PHC2: variants seen among roughly 807,000 people sequenced by gnomAD.
PHC2 encodes the protein polyhomeotic-like protein 2.
PHC2 carries 29 observed loss-of-function variants against 87.4 expected under a neutral mutation model. The observed-to-expected ratio is 0.33, with a 90% CI of 0.25 to 0.45. The LOEUF is 0.45. Ranked by LOEUF, PHC2 falls within the 20% of genes least tolerant of loss-of-function variation. The pLI, the probability that PHC2 is intolerant of heterozygous loss-of-function variation, is 1.00. For missense variants in PHC2, 857 were observed against 1,136.7 expected, an observed-to-expected ratio of 0.75 and a Z score of 3.54; for synonymous variants, 438 against 461.7, an observed-to-expected ratio of 0.95 and a Z score of 0.66.
intron 1 of PHC2, among the ~76,000 whole-genome samples, chr1:33,400,984 G>A (rs1649498063): frequency 6.6e-6 from 1 of 152,054 alleles, no homozygotes; most frequent in South Asian, 2.1e-4. Flanking sequence ...ATTGTCTGAA[G>A]GTTAACAGAC....
intron 9 of PHC2, among the ~76,000 whole-genome samples, chr1:33,351,573 T>G (rs1646973286): frequency 6.6e-6 from 1 of 152,192 alleles, no homozygotes; most frequent in Non-Finnish European, 1.5e-5. Flanking sequence ...AAGTAGACCT[T>G]CAGCTCTTGA....
rs753345714 is a variant in PHC2, at chr1:33,368,656, C to T, written c.577-34G>A. ...ACAAAGGAACAGTGCCGCCTAGGCT[C>T]CTAGCTACCTGCACCAGGTTACCTG... On this transcript the variant is annotated intron_variant, in intron 5 of 14. Coordinates refer to ENST00000683057, the MANE Select transcript of PHC2 (RefSeq NM_001385109.1). This position sits in a 1 kb window ranked among gnomAD's most constrained non-coding sequence, Gnocchi z 6.6. The T allele has an allele frequency of 3.4e-6, 5 of 1,462,358 alleles. No individual in the cohort carries two copies. The South Asian group carries it at 6.1e-5, about 18-fold the overall frequency. The allele number at this position is 1,462,358 out of a possible 1,614,324, so 90.6% of individuals were successfully genotyped here.
chr1:33,346,751 T>C, intron 9 of PHC2: 1 of 985,382 alleles, frequency 1.0e-6, no homozygotes, highest in Non-Finnish European at 1.2e-6. Context: ...ACGCCTGGCC[T>C]GAGGTCCACA....
intron 9 of PHC2, among the ~76,000 whole-genome samples, chr1:33,337,369 GTCTT>G (rs1446944346): frequency 1.4e-4 from 21 of 152,294 alleles, no homozygotes; most frequent in African/African-American, 4.1e-4. Flanking sequence ...CCCAAAATCT[GTCTT>G]TCTATTAATT....
rs1647520037 is a variant in PHC2, at chr1:33,367,292, T to C, written c.800A>G (p.Gln267Arg). The C allele has an allele frequency of 3.1e-6, 5 of 1,614,082 alleles. No homozygotes were observed. The highest frequency in any genetic ancestry group is 2.2e-5 in the East Asian group (1 of 44,872). Residue 267 changes from glutamine to arginine, a missense_variant, in exon 7 of 15, where the codon CAG becomes CGG. Transcript: ENST00000683057. ...GGAAGCCTGAGCAGTATTTCTGCTC[T>C]GTGCTGGGGTAGGCAGAGGCTGGCT... is the stretch of plus-strand genomic sequence containing the variant. ...GGSQPLPTPA[Q>R]SRNTAQASPA...
rs1353486409 is a variant in PHC2, at chr1:33,369,121, G to T, written c.577-499C>A. 2.0e-5 allele frequency among the ~76,000 whole-genome samples: 3 copies of T among 152,128 alleles called. No homozygotes were observed. Among genetic ancestry groups the T allele is most frequent in the Non-Finnish European group, 4.4e-5 (3 of 68,024 alleles). ...GGGATCAAGTTCGATGTATCCTTTT[G>T]GTCATTTTCTAGTCAAAGTTAGATT... On this transcript the variant is annotated intron_variant, in intron 5 of 14. Coordinates refer to ENST00000683057, the MANE Select transcript of PHC2 (RefSeq NM_001385109.1). The surrounding 1 kb of genome is among the most constrained non-coding windows in gnomAD (Gnocchi z 4.7).
At chr1:33,419,686 T>G (rs1247915681) in intron 1 of PHC2, among the ~76,000 whole-genome samples, 2 of 152,214 alleles carry the variant, frequency 1.3e-5, no homozygotes, top group South Asian at 2.1e-4. Context: ...CTCAGCTCAC[T>G]GCAAGCTCCA....
chr1:33,394,528 AT>A (rs1192754089), intron 1 of PHC2, among the ~76,000 whole-genome samples: 1 of 152,080 alleles, frequency 6.6e-6, no homozygotes. Flanking sequence ...TTAACTAAGA[AT>A]TTTTTGGTAG....
rs12733528 is a variant in PHC2 at position 33,369,791 on chromosome 1, G to A, written c.576+630C>T. ...GCTGCATGCTACTGCCACCCAGGGA[G>A]TATGCTGCCATTTTCCCAGGGCATT... On this transcript the variant is annotated intron_variant, in intron 5 of 14. Transcript: ENST00000683057. This position sits in a 1 kb window ranked among gnomAD's most constrained non-coding sequence, Gnocchi z 4.7. 0.17 allele frequency among the ~76,000 whole-genome samples: 26,529 copies of A among 152,194 alleles called. 2,834 individuals carry two copies. The highest frequency in any genetic ancestry group is 0.27 in the South Asian group (1,303 of 4,822).
At chr1:33,393,263 G>T (rs1406447305) in intron 1 of PHC2, among the ~76,000 whole-genome samples, 1 of 152,108 alleles carries the variant, frequency 6.6e-6, no homozygotes, top group Non-Finnish European at 1.5e-5. Context: ...GTAGTTGTCT[G>T]GGAGGATGCG....
rs990595708 is a variant in PHC2, at chr1:33,369,738, G to A, written c.576+683C>T. 8.5e-5 allele frequency among the ~76,000 whole-genome samples: 13 copies of A among 152,276 alleles called. No individual in the cohort carries two copies. The highest frequency in any genetic ancestry group is 2.9e-4 in the African/African-American group (12 of 41,556). ...CTTCAGAATGGGAGGTATGAGACAC[G>A]ACCCACAGTGACTGAGCCCTAGCTG... On this transcript the variant is annotated intron_variant, in intron 5 of 14. Coordinates refer to ENST00000683057, the MANE Select transcript of PHC2 (RefSeq NM_001385109.1). The surrounding 1 kb of genome is among the most constrained non-coding windows in gnomAD (Gnocchi z 4.7).
In PHC2 at chr1:33,370,871, T is replaced by C. The variant is rs999327747; in HGVS notation, c.411+146A>G. ...CTAACCTAAAGGTCAGTAAGAGACA[T>C]GCCCTTTTCTTTTTCTTCCCGGTAA... On this transcript the variant is annotated intron_variant, in intron 4 of 14. Transcript: ENST00000683057. The C allele has an allele frequency of 3.9e-5, 29 of 746,318 alleles. No individual in the cohort carries two copies. The Admixed American group carries it at 5.0e-4, about 13-fold the overall frequency. The allele number at this position is 746,318 out of a possible 1,614,324, so 46.2% of individuals were successfully genotyped here. A position where few individuals can be genotyped will look rare whatever the true frequency, so the allele number is the denominator to read the frequency against.
rs1193241428 is a variant in PHC2 at position 33,329,014 on chromosome 1, A to C, written c.2281T>G (p.Ser761Ala). 2 of 1,614,112 alleles carry C rather than the reference A, an allele frequency of 1.2e-6. No homozygotes were observed. The highest frequency in any genetic ancestry group is 1.1e-5 in the South Asian group (1 of 91,080). Residue 761 changes from serine to alanine, a missense_variant, in exon 14 of 15, where the codon TCC becomes GCC. By Grantham distance (99) the Ser-to-Ala change is moderately conservative. Coordinates refer to ENST00000683057, the MANE Select transcript of PHC2 (RefSeq NM_001385109.1). Reference protein sequence around the residue: ...LSPISASSSTSRRRQGQRDLE... With the variant: ...LSPISASSSTARRRQGQRDLE... ...TCCCGCTGGCCTTGTCGCCGGCGGG[A>C]AGTAGATGAGCTGGCTGAGATGGGT...
intron 13 of PHC2, among the ~76,000 whole-genome samples, chr1:33,329,490 CAAA>C (rs34875983): frequency 1.3e-5 from 2 of 148,970 alleles, no homozygotes; most frequent in Admixed American, 6.7e-5. Flanking sequence ...AGGTTTAAGA[CAAA>C]AAAAAAATAA....
chr1:33,331,481 G>C lies in PHC2; in HGVS notation c.1892-19C>G, dbSNP rs759024074. 7.0e-7 allele frequency: 1 copy of C among 1,419,772 alleles called. No homozygotes were observed. Among genetic ancestry groups the C allele is most frequent in the Admixed American group, 1.7e-5 (1 of 59,310 alleles). The allele number at this position is 1,419,772 out of a possible 1,614,324, so 87.9% of individuals were successfully genotyped here. ...TTGGATTCTGAAAAGTATAGAAATG[G>C]GTAGGGTGGAGAATGAGAAATTCCT... On this transcript the variant is annotated intron_variant, in intron 11 of 14. Transcript: ENST00000683057. The surrounding 1 kb of genome is among the most constrained non-coding windows in gnomAD (Gnocchi z 5.2).
chr1:33,358,004 A>G (rs1647125468), intron 7 of PHC2, among the ~76,000 whole-genome samples: 1 of 152,160 alleles, frequency 6.6e-6, no homozygotes, highest in Non-Finnish European at 1.5e-5. Context: ...GCCTGAGACA[A>G]GGTACTCTTC....
At chr1:33,430,225 G>A (rs956429976) in intron 1 of PHC2, among the ~76,000 whole-genome samples, 1 of 152,204 alleles carries the variant, frequency 6.6e-6, no homozygotes, top group Non-Finnish European at 1.5e-5. Context: ...CGATCCAGGT[G>A]TCCAGCAGCG....
rs1646328574 is a variant in PHC2, at chr1:33,324,424, A to T, written c.*441T>A. ...TGAAGGGGGAGAAGCTGACAACGGA[A>T]GAGTTAACCAGGCCTGGAGAAAGAA... is the stretch of plus-strand genomic sequence containing the variant. On this transcript the variant is annotated 3_prime_UTR_variant, in exon 15 of 15. Coordinates refer to ENST00000683057, the MANE Select transcript of PHC2 (RefSeq NM_001385109.1). The T allele has an allele frequency of 6.5e-6, 1 of 154,114 alleles. No individual in the cohort carries two copies. Among genetic ancestry groups the T allele is most frequent in the South Asian group, 2.0e-4 (1 of 4,932 alleles). The allele number at this position is 154,114 out of a possible 1,614,324, so 9.5% of individuals were successfully genotyped here. A position where few individuals can be genotyped will look rare whatever the true frequency, so the allele number is the denominator to read the frequency against.
chr1:33,339,963 T>C (rs1646712504), intron 9 of PHC2, among the ~76,000 whole-genome samples: 1 of 152,240 alleles, frequency 6.6e-6, no homozygotes, highest in Non-Finnish European at 1.5e-5. Context: ...ATGCTCAATC[T>C]GTACTAACAT....
Sources: gnomAD v4.1 joint callset for allele counts (sites outside exome capture counted in the v4.1 genomes callset) on GRCh38, gnomAD v4.1.1 for gene constraint, Gnocchi (gnomAD v3.1) non-coding constraint, MANE v1.5 for transcripts, NCBI Gene and HGNC (gene_info 2026-07-23, HGNC 2026-07-21) for gene names.